Variants in RASEF observed in about 807,000 individuals in gnomAD.
RASEF encodes the protein ras and EF-hand domain-containing protein.
RASEF carries 68 observed loss-of-function variants against 90.1 expected under a neutral mutation model. The ratio of observed to expected loss-of-function variants is 0.75; its 90% confidence interval spans 0.62 to 0.92. The LOEUF (loss-of-function observed/expected upper bound fraction) is 0.92. RASEF is among the 40% of genes least tolerant of loss of function. The pLI is 0.00. For missense variants in RASEF, 949 were observed against 937.2 expected, an observed-to-expected ratio of 1.01 and a Z score of -0.16; for synonymous variants, 331 against 345.2, an observed-to-expected ratio of 0.96 and a Z score of 0.46.
the RASEF span, among the ~76,000 whole-genome samples, chr9:83,142,846 G>A: frequency 6.6e-6 from 1 of 151,976 alleles, no homozygotes; most frequent in Admixed American, 6.6e-5. Context: ...GCTGTTTTAG[G>A]GTATAGAAGT....
the RASEF span, among the ~76,000 whole-genome samples, chr9:83,078,617 T>C: frequency 2.0e-5 from 3 of 151,614 alleles, no homozygotes; most frequent in Admixed American, 6.6e-5. Flanking sequence ...TAAGCCAAGA[T>C]TGCACCACTG....
chr9:83,209,084 C>T, the RASEF span, among the ~76,000 whole-genome samples: 1 of 152,232 alleles, frequency 6.6e-6, no homozygotes, highest in Admixed American at 6.5e-5. Context: ...CCACTGGGCT[C>T]TCTGGTCCCA....
chr9:83,097,722 G>T, the RASEF span, among the ~76,000 whole-genome samples: 1 of 152,218 alleles, frequency 6.6e-6, no homozygotes, highest in African/African-American at 2.4e-5. Context: ...ACACCAGTTA[G>T]AATGGACTTG....
rs200364661 is a variant in RASEF, at chr9:82,982,399, C to CT, written c.*277dup. 0.026 allele frequency: 4,590 copies of CT among 177,872 alleles called. 183 individuals are homozygous for CT. The highest frequency in any genetic ancestry group is 0.1 in the African/African-American group (3,872 of 37,142). 11.0% of individuals were successfully genotyped at this position (177,872 alleles called of 1,614,324 possible). A position where few individuals can be genotyped will look rare whatever the true frequency, so the allele number is the denominator to read the frequency against. On this transcript the variant is annotated 3_prime_UTR_variant, in exon 17 of 17. Coordinates refer to ENST00000376447, the MANE Select transcript of RASEF (RefSeq NM_152573.4). ...CTGAGCATGTGATTTCTTTTCTTTTCTTTTTTTTTACCATTTTAAAAACAT... is the reference window on the plus strand; with the variant it reads ...CTGAGCATGTGATTTCTTTTCTTTTCTTTTTTTTTTACCATTTTAAAAACAT...
At chr9:83,194,552 A>G in the RASEF span, among the ~76,000 whole-genome samples, 7 of 152,144 alleles carry the variant, frequency 4.6e-5, no homozygotes, top group Non-Finnish European at 8.8e-5. Flanking sequence ...TCCCCCTTAT[A>G]TACTCCAATA....
chr9:83,139,757 C>A, the RASEF span, among the ~76,000 whole-genome samples: 2 of 151,988 alleles, frequency 1.3e-5, no homozygotes, highest in African/African-American at 4.8e-5. Context: ...ATGTATTTTT[C>A]TGAAATTTAT....
intron 1 of RASEF, among the ~76,000 whole-genome samples, chr9:83,061,623 T>C (rs182628904): frequency 7.8e-4 from 119 of 152,260 alleles, no homozygotes; most frequent in African/African-American, 2.7e-3. Context: ...TGAGCCTCTC[T>C]CCCTCCAGGC....
chr9:83,114,340 G>T, the RASEF span, among the ~76,000 whole-genome samples: 1 of 152,150 alleles, frequency 6.6e-6, no homozygotes, highest in Non-Finnish European at 1.5e-5. Context: ...TTCGTAAGCA[G>T]AGGAGGATGT....
the RASEF span, among the ~76,000 whole-genome samples, chr9:83,087,158 G>A: frequency 7.9e-5 from 12 of 152,302 alleles, no homozygotes; most frequent in East Asian, 3.9e-4. Context: ...ATAGAAGCTA[G>A]ATTATAGGGA....
the RASEF span, among the ~76,000 whole-genome samples, chr9:83,127,999 G>C: frequency 6.6e-6 from 1 of 150,512 alleles, no homozygotes; most frequent in South Asian, 2.1e-4. Flanking sequence ...TACTATAAAG[G>C]GCTTTTTCTT....
intron 7 of RASEF, among the ~76,000 whole-genome samples, chr9:83,006,655 C>A (rs1392351189): frequency 6.6e-6 from 1 of 151,950 alleles, no homozygotes; most frequent in Non-Finnish European, 1.5e-5. Context: ...ATAACCTAGT[C>A]ATAAAGCTGA....
At chr9:83,003,173 C>T (rs1047947084) in intron 9 of RASEF, among the ~76,000 whole-genome samples, 2 of 152,100 alleles carry the variant, frequency 1.3e-5, no homozygotes, top group African/African-American at 4.8e-5. Context: ...TTTATATTAG[C>T]ATCAAAAAGA....
chr9:83,207,768 C>A, the RASEF span, among the ~76,000 whole-genome samples: 4 of 152,084 alleles, frequency 2.6e-5, no homozygotes, highest in Admixed American at 6.5e-5. Context: ...CCCCCACACT[C>A]GGCTAATTTT....
chr9:83,181,458 G>T, the RASEF span, among the ~76,000 whole-genome samples: 1 of 152,186 alleles, frequency 6.6e-6, no homozygotes, highest in Admixed American at 6.5e-5. Context: ...GAAAGGTTTT[G>T]CTAAGAGTCA....
the RASEF span, among the ~76,000 whole-genome samples, chr9:83,166,393 C>T: frequency 6.6e-6 from 1 of 152,122 alleles, no homozygotes; most frequent in African/African-American, 2.4e-5. Flanking sequence ...CCTGTGTCTC[C>T]TGGCAAGAAC....
chr9:83,009,622 T>C lies in RASEF; in HGVS notation c.959+19A>G. On this transcript the variant is annotated intron_variant, in intron 6 of 16. Transcript: ENST00000376447. ...TCAATATTCTACTCAAACTAACAAATAAAATGCAAAGTTCATACCTTTCAG... is the reference window on the plus strand; with the variant it reads ...TCAATATTCTACTCAAACTAACAAACAAAATGCAAAGTTCATACCTTTCAG... 2 of 1,449,454 alleles carry C rather than the reference T, an allele frequency of 1.4e-6. No homozygotes were observed. The highest frequency in any genetic ancestry group is 1.9e-6 in the Non-Finnish European group (2 of 1,033,980). 89.8% of individuals were successfully genotyped at this position (1,449,454 alleles called of 1,614,324 possible).
the RASEF span, among the ~76,000 whole-genome samples, chr9:83,084,790 T>C: frequency 6.6e-6 from 1 of 152,318 alleles, no homozygotes; most frequent in African/African-American, 2.4e-5. Flanking sequence ...AGATTTTGCA[T>C]GCATATATGA....
upstream of RASEF, among the ~76,000 whole-genome samples, chr9:83,065,167 C>T (rs1258725154): frequency 2.0e-5 from 3 of 152,162 alleles, no homozygotes; most frequent in African/African-American, 4.8e-5. Context: ...TATTAATATA[C>T]TTCAGACCTC....
chr9:83,019,059 G>A (rs1305202808), intron 3 of RASEF, among the ~76,000 whole-genome samples: 1 of 151,782 alleles, frequency 6.6e-6, no homozygotes, highest in African/African-American at 2.4e-5. Flanking sequence ...AAAACACAGG[G>A]GAAAATCTTG....
Sources: allele counts gnomAD v4.1 joint callset (sites outside exome capture counted in the v4.1 genomes callset), GRCh38; gene constraint gnomAD v4.1.1; transcripts MANE v1.5; gene names NCBI Gene and HGNC (gene_info 2026-07-23, HGNC 2026-07-21).